HECW2: variants seen among roughly 807,000 people sequenced by gnomAD.
HECW2 encodes the protein HECT, C2 and WW domain containing E3 ubiquitin protein ligase 2.
HECW2 carries 61 observed loss-of-function variants against 175.2 expected under a neutral mutation model. The ratio of observed to expected loss-of-function variants is 0.35; its 90% CI spans 0.28 to 0.43. HECW2 has a LOEUF of 0.43. Ranked by LOEUF, HECW2 falls within the 20% of genes least tolerant of loss-of-function variation. The probability of loss-of-function intolerance (pLI) is 1.00; values close to 1 mark genes in which losing one functional copy is unlikely to be tolerated. For missense variants in HECW2, 1,524 were observed against 2,000.5 expected (o/e 0.76, Z 4.54); for synonymous variants, 671 against 731.0 (o/e 0.92, Z 1.32).
intron 2 of HECW2, among the ~76,000 whole-genome samples, chr2:196,415,397 A>T (rs937220625): frequency 1.3e-5 from 2 of 152,186 alleles, no homozygotes; most frequent in African/African-American, 4.8e-5. Context: ...TTTTGAACAA[A>T]CTGAGTTTGA....
chr2:196,410,970 TGCAATGGCTCA>T, intron 2 of HECW2, among the ~76,000 whole-genome samples: 2 of 151,898 alleles, frequency 1.3e-5, no homozygotes, highest in Middle Eastern at 6.8e-3. Context: ...TTCCAGGCAA[TGCAATGGCTCA>T]GCTAGAGACA....
At chr2:196,432,016 C>G (rs1225244796) in intron 2 of HECW2, among the ~76,000 whole-genome samples, 2 of 152,196 alleles carry the variant, frequency 1.3e-5, no homozygotes, top group Non-Finnish European at 2.9e-5. Context: ...GGCTTCTCAA[C>G]AGTGGTGCTA....
At chr2:196,330,395 A>G (rs994454929) in intron 4 of HECW2, among the ~76,000 whole-genome samples, 2 of 152,240 alleles carry the variant, frequency 1.3e-5, no homozygotes, top group Admixed American at 6.5e-5. Context: ...AGAAGTCAAC[A>G]GAATTGAAGG....
chr2:196,558,691 C>A (rs1289630380), intron 1 of HECW2, among the ~76,000 whole-genome samples: 2 of 152,218 alleles, frequency 1.3e-5, no homozygotes, highest in African/African-American at 4.8e-5. Context: ...GTAATCCCTG[C>A]TGGCTCTGAT....
intron 1 of HECW2, among the ~76,000 whole-genome samples, chr2:196,582,476 G>T (rs1002558058): frequency 2.6e-5 from 4 of 152,094 alleles, no homozygotes; most frequent in Non-Finnish European, 1.5e-5. Context: ...ACAAAACCTG[G>T]ATTTTATTCC....
intron 1 of HECW2, among the ~76,000 whole-genome samples, chr2:196,457,100 G>C (rs1696542084): frequency 6.6e-6 from 1 of 152,200 alleles, no homozygotes. Context: ...TAATGAGTAG[G>C]TACGGCATGG....
Position 196,318,594 on chromosome 2 carries a change from T to A in HECW2, c.2296A>T (p.Thr766Ser), listed in dbSNP as rs1472415934. 10 of 1,540,454 alleles carry A rather than the reference T, an allele frequency of 6.5e-6. No individual in the cohort carries two copies. The highest frequency in any genetic ancestry group is 8.7e-6 in the Non-Finnish European group (10 of 1,144,336). The stretch of plus-strand genomic sequence containing the variant: ...TCCTGGGCAGTTGCCCCTTCACAGG[T>A]GCCTTGGGCCTCCCCAGCACTGCCT... ...EEGSAGEAQG[T>S]CEGATAQEEG... Residue 766 changes from threonine to serine, a missense_variant, in exon 9 of 29, where the codon ACC (threonine) becomes TCC (serine). Around this residue, in one of 11 missense-constraint regions of HECW2, gnomAD observed 604 missense variants for 588.3 expected, o/e 1.03. Coordinates refer to ENST00000644978, the MANE Select transcript of HECW2 (RefSeq NM_001348768.2).
intron 1 of HECW2, among the ~76,000 whole-genome samples, chr2:196,550,897 T>C (rs1488400218): frequency 6.6e-6 from 1 of 152,186 alleles, no homozygotes; most frequent in Non-Finnish European, 1.5e-5. Flanking sequence ...TAAGACCAAA[T>C]ACAGTCAACT....
At chr2:196,313,879 C>T (rs1015581055) in intron 10 of HECW2, among the ~76,000 whole-genome samples, 4 of 152,094 alleles carry the variant, frequency 2.6e-5, no homozygotes, top group African/African-American at 4.8e-5. Context: ...TAGTTAGACC[C>T]CTGTCTCTAC....
chr2:196,257,749 T>C (rs1575308463), intron 18 of HECW2, 74 bp downstream of exon 18: 3 of 1,056,524 alleles, frequency 2.8e-6, no homozygotes, highest in East Asian at 2.4e-5. Context: ...TATTGGCATA[T>C]TATTTTCTAC....
intron 2 of HECW2, among the ~76,000 whole-genome samples, chr2:196,414,292 T>G (rs927424095): frequency 1.3e-5 from 2 of 152,148 alleles, no homozygotes; most frequent in Non-Finnish European, 2.9e-5. Context: ...TCAGCCAGAG[T>G]CAGCTCAATT....
At chr2:196,284,662 T>C (rs922499346) in intron 14 of HECW2, among the ~76,000 whole-genome samples, 3 of 152,186 alleles carry the variant, frequency 2.0e-5, no homozygotes, top group Non-Finnish European at 2.9e-5. Context: ...GACACACATA[T>C]CAATTATGTC....
intron 1 of HECW2, among the ~76,000 whole-genome samples, chr2:196,570,861 T>C (rs118159067): frequency 1.3e-5 from 2 of 152,306 alleles, no homozygotes; most frequent in East Asian, 3.9e-4. Context: ...AGAAAGTGCA[T>C]GTGAGGTCCA....
chr2:196,308,036 G>A lies in HECW2; in HGVS notation c.2484C>T (p.His828=), dbSNP rs1691335334. 3 of 1,600,866 alleles carry A rather than the reference G, an allele frequency of 1.9e-6. No homozygotes were observed. Among genetic ancestry groups the A allele is most frequent in the African/African-American group, 1.3e-5 (1 of 74,944 alleles). The change falls in exon 11 of 29, where the codon CAC becomes CAT. Residue 828 remains histidine, a synonymous_variant. Transcript: ENST00000644978. ...GCTGCCACGTCGTGGTTCTGTTTACGTGATCCACGTAGAAGATCCTGCCGT... is the reference window on the plus strand; with the variant it reads ...GCTGCCACGTCGTGGTTCTGTTTACATGATCCACGTAGAAGATCCTGCCGT... ...DSHGRIFYVD[H]VNRTTTWQRP...
At chr2:196,249,864 C>T (rs904213340) in intron 19 of HECW2, among the ~76,000 whole-genome samples, 1 of 152,234 alleles carries the variant, frequency 6.6e-6, no homozygotes, top group Non-Finnish European at 1.5e-5. Flanking sequence ...AAAACCACCA[C>T]AAACACTGCT....
chr2:196,240,149 T>TTGTAAAGCCTTACTTTTTCCC lies in HECW2; in HGVS notation c.3764+279_3764+299dup, dbSNP rs1184899110. ...AAATGCAATTCCTTGTTTTTTTTCCTTGTAAAGCCTTACTTTTTCCCTTTA... is the reference window on the plus strand; with the variant it reads ...AAATGCAATTCCTTGTTTTTTTTCCTTGTAAAGCCTTACTTTTTCCCTGTAAAGCCTTACTTTTTCCCTTTA... On this transcript the variant is annotated intron_variant, in intron 21 of 28. Transcript: ENST00000644978. 9.4e-5 allele frequency: 20 copies of TTGTAAAGCCTTACTTTTTCCC among 212,828 alleles called. No individual in the cohort carries two copies. The Middle Eastern group carries it at 4.6e-3, about 49-fold the overall frequency. 13.2% of individuals were successfully genotyped at this position (212,828 alleles called of 1,614,324 possible).
chr2:196,413,409 A>C (rs1033038190), intron 2 of HECW2, among the ~76,000 whole-genome samples: 9 of 151,786 alleles, frequency 5.9e-5, no homozygotes, highest in African/African-American at 1.7e-4. Flanking sequence ...GCTGTGGTTC[A>C]ATCTTGGTTC....
At chr2:196,495,216 C>T (rs114428146) in intron 1 of HECW2, among the ~76,000 whole-genome samples, 1,619 of 152,056 alleles carry the variant, frequency 0.011, 14 homozygotes, top group Non-Finnish European at 0.017. Flanking sequence ...TACAAGCGTA[C>T]GCCACCACGC....
intron 1 of HECW2, among the ~76,000 whole-genome samples, chr2:196,521,714 T>C (rs1473913913): frequency 2.0e-5 from 3 of 147,120 alleles, no homozygotes; most frequent in Non-Finnish European, 4.5e-5. Flanking sequence ...TTCCCACCTA[T>C]GAGTGAGAAT....
Sources: gnomAD v4.1 joint callset for allele counts (sites outside exome capture counted in the v4.1 genomes callset) on GRCh38, gnomAD v4.1.1 for gene constraint, gnomAD v4.1.1 regional missense constraint, MANE v1.5 for transcripts, NCBI Gene and HGNC (gene_info 2026-07-23, HGNC 2026-07-21) for gene names.